Variants in NOP9 observed in about 807,000 individuals in gnomAD.
The protein encoded by NOP9 is nucleolar protein 9.
A neutral mutation model predicts 63.0 loss-of-function variants in NOP9; 50 were observed. The observed-to-expected ratio is 0.79, with a 90% CI of 0.63 to 1.00. The LOEUF (loss-of-function observed/expected upper bound fraction) is 1.00. Ranked by LOEUF, NOP9 falls within the 50% of genes least tolerant of loss-of-function variation. NOP9 has a pLI of 0.00. For synonymous variants in NOP9, 343 were observed against 332.8 expected, an observed-to-expected ratio of 1.03 and a Z score of -0.33; for missense variants, 758 against 803.0, an observed-to-expected ratio of 0.94 and a Z score of 0.68.
At chr14:24,274,927 T>TTTTA in the NOP9 span, among the ~76,000 whole-genome samples, 1 of 134,834 alleles carries the variant, frequency 7.4e-6, no homozygotes, top group African/African-American at 2.8e-5. Context: ...TTTTTTTTTT[T>TTTTA]GAGACAAATT....
the NOP9 span, among the ~76,000 whole-genome samples, chr14:24,285,300 C>G: frequency 6.6e-6 from 1 of 152,184 alleles, no homozygotes; most frequent in Non-Finnish European, 1.5e-5. Flanking sequence ...TCATTAGTCT[C>G]TATTTAAGCT....
At chr14:24,275,389 T>G in the NOP9 span, among the ~76,000 whole-genome samples, 1 of 152,216 alleles carries the variant, frequency 6.6e-6, no homozygotes, top group East Asian at 1.9e-4. Context: ...TACAGTGGGT[T>G]TGCAGAGGTT....
At chr14:24,296,869 C>T (rs778492442), upstream of NOP9, 6 of 1,614,058 alleles carry the variant, frequency 3.7e-6, no homozygotes, top group Admixed American at 1.7e-5. Flanking sequence ...CATTGGCCCC[C>T]GAGGGATTGT....
chr14:24,297,961 T>C (rs2041285310), upstream of NOP9, among the ~76,000 whole-genome samples: 1 of 152,214 alleles, frequency 6.6e-6, no homozygotes, highest in African/African-American at 2.4e-5. Flanking sequence ...TGTGCATATC[T>C]CCCTCTTATA....
chr14:24,306,863 C>T lies in NOP9; in HGVS notation c.*1768C>T, dbSNP rs953778480. 2.7e-6 allele frequency: 1 copy of T among 366,160 alleles called. No individual in the cohort carries two copies. The highest frequency in any genetic ancestry group is 5.5e-5 in the East Asian group (1 of 18,232). The allele number at this position is 366,160 out of a possible 1,614,324, so 22.7% of individuals were successfully genotyped here. A position where few individuals can be genotyped will look rare whatever the true frequency, so the allele number is the denominator to read the frequency against. On this transcript the variant is annotated 3_prime_UTR_variant, in exon 10 of 10. Transcript: ENST00000267425. ...CAATGCTGCACCTCACTTCCCACAC[C>T]CTCAAGAGTTCTCCAGAAGTGTTTT...
rs1041068050 is a variant in NOP9 at position 24,299,881 on chromosome 14, C to T, written c.-74C>T. On this transcript the variant is annotated 5_prime_UTR_variant, in exon 1 of 10. Coordinates refer to ENST00000267425, the MANE Select transcript of NOP9 (RefSeq NM_174913.3). The stretch of plus-strand genomic sequence containing the variant: ...GTTTCTAAACTTTGTCTGGATAAGG[C>T]GCACGCTTGGCGACGTCGAAGGTCC... 5.4e-6 allele frequency: 8 copies of T among 1,479,004 alleles called. No individual in the cohort carries two copies. In the African/African-American group the frequency reaches 5.6e-5, roughly 10 times the overall value. The allele number at this position is 1,479,004 out of a possible 1,614,324, so 91.6% of individuals were successfully genotyped here.
the NOP9 span, among the ~76,000 whole-genome samples, chr14:24,288,180 T>TA: frequency 1.3e-5 from 2 of 152,202 alleles, no homozygotes; most frequent in East Asian, 3.8e-4. Flanking sequence ...GTTCACTCAC[T>TA]GCCTTCAATA....
chr14:24,291,790 A>G, the NOP9 span: 1 of 685,432 alleles, frequency 1.5e-6, no homozygotes, highest in Non-Finnish European at 2.6e-6. Flanking sequence ...TGCCAGAGCC[A>G]CTCCTCCCCA....
rs1363429265 is a variant in NOP9 at position 24,308,495 on chromosome 14, C to G, written c.*3400C>G. On this transcript the variant is annotated 3_prime_UTR_variant, in exon 10 of 10. Coordinates refer to ENST00000267425, the MANE Select transcript of NOP9 (RefSeq NM_174913.3). ...CCTGCTTACCTGCTCTTTCCTTCCT[C>G]CTTGGTCGGAGGAGGGGCTGGCTCA... The G allele has an allele frequency of 6.5e-6, 1 of 153,768 alleles. No individual in the cohort carries two copies. Among genetic ancestry groups the G allele is most frequent in the East Asian group, 1.9e-4 (1 of 5,214 alleles). The allele number at this position is 153,768 out of a possible 1,614,324, so 9.5% of individuals were successfully genotyped here. A position where few individuals can be genotyped will look rare whatever the true frequency, so the allele number is the denominator to read the frequency against.
At position 24,304,927 on chromosome 14, in the gene NOP9, TC is replaced by T. The variant is rs774876129; in HGVS notation, c.1754-8del. 5.3e-6 allele frequency: 8 copies of T among 1,515,514 alleles called. No individual in the cohort carries two copies. Among genetic ancestry groups the T allele is most frequent in the East Asian group, 4.7e-5 (2 of 42,434 alleles). The allele number at this position is 1,515,514 out of a possible 1,614,324, so 93.9% of individuals were successfully genotyped here. The stretch of plus-strand genomic sequence containing the variant: ...CATGGTAGTACTAAACATGAGTGGT[TC>T]CCTTTGCAGGGGAGCAGAACCAGGA... On this transcript the variant is annotated splice_polypyrimidine_tract_variant and intron_variant, in intron 9 of 9. Coordinates refer to ENST00000267425, the MANE Select transcript of NOP9 (RefSeq NM_174913.3).
rs370196427 is a variant in NOP9 at position 24,300,832 on chromosome 14, C to A, written c.672C>A (p.Ala224=). The change falls in exon 2 of 10, where the codon GCC becomes GCA. Residue 224 remains alanine, a synonymous_variant. Transcript: ENST00000267425. ...GGACTATTCTGGAGTCTGAGAGAGC[C>A]AGGCCCCGTGGTTCCCAATCATCTG... ...LGGTILESER[A]RPRGSQSSEA... 6.8e-6 allele frequency: 11 copies of A among 1,613,460 alleles called. No homozygotes were observed. In the African/African-American group the frequency reaches 1.5e-4, roughly 22 times the overall value.
the NOP9 span, among the ~76,000 whole-genome samples, chr14:24,281,250 C>T: frequency 9.9e-5 from 15 of 152,146 alleles, no homozygotes; most frequent in South Asian, 2.1e-4. Context: ...GGCCAAGGAC[C>T]GATGGATAGC....
At chr14:24,303,286 T>G in intron 6 of NOP9, 72 bp downstream of exon 6, 1 of 1,582,300 alleles carries the variant, frequency 6.3e-7, no homozygotes, top group South Asian at 1.1e-5. Context: ...TATCTAATCT[T>G]AAGTTTTTGT....
In NOP9 at chr14:24,307,943, A is replaced by C. The variant is rs368838194; in HGVS notation, c.*2848A>C. ...GGGCTTTAGTGGTGTTTTCTGTTAC[A>C]AACCTGGGATCTCAGCCCAGGACAA... On this transcript the variant is annotated 3_prime_UTR_variant, in exon 10 of 10. Coordinates refer to ENST00000267425, the MANE Select transcript of NOP9 (RefSeq NM_174913.3). 477 of 1,256,510 alleles carry C rather than the reference A, an allele frequency of 3.8e-4. No individual in the cohort carries two copies. In the African/African-American group the frequency reaches 6.2e-3, roughly 16 times the overall value. The allele number at this position is 1,256,510 out of a possible 1,614,324, so 77.8% of individuals were successfully genotyped here.
At chr14:24,278,853 A>G in the NOP9 span, among the ~76,000 whole-genome samples, 10 of 152,214 alleles carry the variant, frequency 6.6e-5, no homozygotes, top group African/African-American at 2.4e-4. Flanking sequence ...GACAAACTGT[A>G]GAGTCCAGAG....
At position 24,305,324 on chromosome 14, in the gene NOP9, T is replaced by C. The variant is rs932387604; in HGVS notation, c.*229T>C. ...GGAGTTTAGGGACAGGAGGCATTGG[T>C]AGGGGATTAGATGTAGCAGCAGTCA... On this transcript the variant is annotated 3_prime_UTR_variant, in exon 10 of 10. Transcript: ENST00000267425. The C allele has an allele frequency of 7.3e-6, 4 of 550,072 alleles. No individual in the cohort carries two copies. The highest frequency in any genetic ancestry group is 1.2e-5 in the Non-Finnish European group (4 of 329,252). The allele number at this position is 550,072 out of a possible 1,614,324, so 34.1% of individuals were successfully genotyped here. A position where few individuals can be genotyped will look rare whatever the true frequency, so the allele number is the denominator to read the frequency against.
upstream of NOP9, chr14:24,298,941 C>T (rs761541379): frequency 1.1e-5 from 17 of 1,593,790 alleles, no homozygotes; most frequent in South Asian, 1.8e-4. Flanking sequence ...ACTGTGGTCC[C>T]AGAGGAAGCA....
At chr14:24,298,916 C>T (rs143906801), upstream of NOP9, 139 of 1,573,632 alleles carry the variant, frequency 8.8e-5, no homozygotes, top group African/African-American at 1.1e-3. Flanking sequence ...AGGGCTCTCT[C>T]GGGTGGTTTC....
the NOP9 span, chr14:24,291,084 G>A: frequency 2.5e-6 from 4 of 1,613,140 alleles, no homozygotes; most frequent in South Asian, 4.4e-5. Flanking sequence ...GGGAGGAGTG[G>A]GCAGGGAACA....
Sources: allele counts gnomAD v4.1 joint callset (sites outside exome capture counted in the v4.1 genomes callset), GRCh38; gene constraint gnomAD v4.1.1; transcripts MANE v1.5; gene names NCBI Gene and HGNC (gene_info 2026-07-23, HGNC 2026-07-21).